Variants in B3GAT2 observed in about 807,000 individuals in gnomAD.
B3GAT2 encodes the protein galactosylgalactosylxylosylprotein 3-beta-glucuronosyltransferase 2.
In B3GAT2, 26 loss-of-function variants were observed where a neutral mutation model predicts 27.8. That is an observed-to-expected ratio of 0.93 (90% CI 0.68 to 1.30). B3GAT2 has a LOEUF of 1.30. B3GAT2 is among the 50% of genes most tolerant of loss of function. The pLI is 0.00. For synonymous variants in B3GAT2, 218 were observed against 195.1 expected (o/e 1.12, Z -0.98); for missense variants, 458 against 459.0 (o/e 1.00, Z 0.02).
At chr6:70,924,707 C>A (rs1772925094) in intron 1 of B3GAT2, among the ~76,000 whole-genome samples, 1 of 152,304 alleles carries the variant, frequency 6.6e-6, no homozygotes, top group Admixed American at 6.5e-5. Flanking sequence ...TGCCCTTAGT[C>A]ATTCCTGGGA....
intron 1 of B3GAT2, among the ~76,000 whole-genome samples, chr6:70,917,457 T>A (rs55754440): frequency 3.1e-4 from 47 of 152,316 alleles, no homozygotes; most frequent in Non-Finnish European, 5.6e-4. Context: ...CATTTGCTCT[T>A]GCTTCTGTAG....
At chr6:70,921,170 C>G (rs1772862927) in intron 1 of B3GAT2, among the ~76,000 whole-genome samples, 1 of 152,102 alleles carries the variant, frequency 6.6e-6, no homozygotes, top group Admixed American at 6.6e-5. Context: ...ATTTTGGCCT[C>G]TCTAGCAAGG....
intron 1 of B3GAT2, among the ~76,000 whole-genome samples, chr6:70,930,309 A>T (rs890323284): frequency 3.3e-5 from 5 of 152,210 alleles, no homozygotes; most frequent in African/African-American, 7.2e-5. Flanking sequence ...AAAACACCAA[A>T]AGCAATGGCA....
intron 1 of B3GAT2, among the ~76,000 whole-genome samples, chr6:70,904,593 C>T (rs538351932): frequency 2.3e-4 from 35 of 152,202 alleles, no homozygotes; most frequent in African/African-American, 6.7e-4. Context: ...GGGCCAAAAA[C>T]GCCAAGAAGT....
In B3GAT2 at chr6:70,859,431, T is replaced by C. The variant is rs1387129459; in HGVS notation, c.*2232A>G. On this transcript the variant is annotated 3_prime_UTR_variant, in exon 4 of 4. Transcript: ENST00000230053. ...TCCTTTAGTAGGTATGAAGACGTGA[T>C]CTGCTTCTTCAGACACTTATGCCTG... 3 of 1,495,250 alleles carry C rather than the reference T, an allele frequency of 2.0e-6. No homozygotes were observed. The highest frequency in any genetic ancestry group is 2.7e-6 in the Non-Finnish European group (3 of 1,100,810). 92.6% of individuals were successfully genotyped at this position (1,495,250 alleles called of 1,614,324 possible).
chr6:70,916,859 CT>C (rs1205390354), intron 1 of B3GAT2, among the ~76,000 whole-genome samples: 6 of 151,860 alleles, frequency 4.0e-5, no homozygotes, highest in Non-Finnish European at 7.4e-5. Flanking sequence ...CTAAAATTAT[CT>C]TTTTTTGTTG....
chr6:70,860,457 T>A lies in B3GAT2; in HGVS notation c.*1206A>T, dbSNP rs77239990. ...TTTACCCATTTGTTCATATTAAGAATGATCTGATTGACCGTGTTGGTCTGT... is the reference window on the plus strand; with the variant it reads ...TTTACCCATTTGTTCATATTAAGAAAGATCTGATTGACCGTGTTGGTCTGT... On this transcript the variant is annotated 3_prime_UTR_variant, in exon 4 of 4. Coordinates refer to ENST00000230053, the MANE Select transcript of B3GAT2 (RefSeq NM_080742.3). 8.1e-4 allele frequency: 941 copies of A among 1,165,420 alleles called. 10 individuals are homozygous for A. The African/African-American group carries it at 0.013, about 16-fold the overall frequency. 72.2% of individuals were successfully genotyped at this position (1,165,420 alleles called of 1,614,324 possible). A position where few individuals can be genotyped will look rare whatever the true frequency, so the allele number is the denominator to read the frequency against.
intron 1 of B3GAT2, among the ~76,000 whole-genome samples, chr6:70,911,608 G>A (rs1772690380): frequency 6.6e-6 from 1 of 152,074 alleles, no homozygotes; most frequent in South Asian, 2.1e-4. Flanking sequence ...TTTTTGCTCA[G>A]GATTGATTTG....
chr6:70,879,554 G>A (rs1772066837), intron 2 of B3GAT2, among the ~76,000 whole-genome samples: 1 of 152,166 alleles, frequency 6.6e-6, no homozygotes, highest in Non-Finnish European at 1.5e-5. Context: ...CTGGGGAGAA[G>A]GTGGTAAGCA....
intron 1 of B3GAT2, among the ~76,000 whole-genome samples, chr6:70,929,211 G>T (rs897234100): frequency 6.6e-6 from 1 of 152,008 alleles, no homozygotes; most frequent in Admixed American, 6.6e-5. Flanking sequence ...GGTAGGGAGA[G>T]GGGGGAGGGA....
chr6:70,908,043 C>G (rs543655397), intron 1 of B3GAT2, among the ~76,000 whole-genome samples: 1 of 152,294 alleles, frequency 6.6e-6, no homozygotes, highest in Non-Finnish European at 1.5e-5. Context: ...CATATTAATG[C>G]CCAAACCTTG....
intron 1 of B3GAT2, among the ~76,000 whole-genome samples, chr6:70,933,041 C>T (rs1216053395): frequency 6.6e-6 from 1 of 152,162 alleles, no homozygotes; most frequent in African/African-American, 2.4e-5. Flanking sequence ...CTAAGCCATC[C>T]TCCTGCCTGA....
chr6:70,896,903 T>A (rs1401302531), intron 1 of B3GAT2, among the ~76,000 whole-genome samples: 12 of 152,226 alleles, frequency 7.9e-5, no homozygotes, highest in African/African-American at 2.9e-4. Context: ...AATTTCTTTC[T>A]CTTTTTTTTA....
rs930026269 is a variant in B3GAT2 at position 70,856,777 on chromosome 6, T to TAAC, written c.*4883_*4885dup. The TAAC allele has an allele frequency of 3.6e-6, 5 of 1,375,566 alleles. No homozygotes were observed. In the African/African-American group the frequency reaches 7.3e-5, roughly 20 times the overall value. 85.2% of individuals were successfully genotyped at this position (1,375,566 alleles called of 1,614,324 possible). On this transcript the variant is annotated 3_prime_UTR_variant, in exon 4 of 4. Coordinates refer to ENST00000230053, the MANE Select transcript of B3GAT2 (RefSeq NM_080742.3). ...ATTGTTTGATTCCTATCTAATTTTA[T>TAAC]AACTTTATTTGGATTTTAAGTAATG...
At chr6:70,889,454 G>C (rs1772248730) in intron 2 of B3GAT2, among the ~76,000 whole-genome samples, 1 of 152,086 alleles carries the variant, frequency 6.6e-6, no homozygotes, top group Non-Finnish European at 1.5e-5. Context: ...CAAAAGTCAG[G>C]GCTTTTAAGC....
intron 1 of B3GAT2, among the ~76,000 whole-genome samples, chr6:70,954,400 G>A (rs1011273410): frequency 1.4e-4 from 21 of 152,044 alleles, no homozygotes; most frequent in African/African-American, 4.6e-4. Context: ...AAAAGATGAA[G>A]GACAATTACT....
intron 2 of B3GAT2, 22 bp downstream of exon 2, chr6:70,894,106 T>C (rs1311852404): frequency 6.3e-7 from 1 of 1,588,806 alleles, no homozygotes; most frequent in Admixed American, 1.8e-5. Flanking sequence ...CAGGAACAAA[T>C]GTCATCACCC....
chr6:70,908,319 C>T (rs1036469581), intron 1 of B3GAT2, among the ~76,000 whole-genome samples: 1 of 152,176 alleles, frequency 6.6e-6, no homozygotes, highest in Non-Finnish European at 1.5e-5. Flanking sequence ...AAAGTGGAAG[C>T]TTTCCATCTT....
intron 1 of B3GAT2, among the ~76,000 whole-genome samples, chr6:70,918,822 T>C (rs1582379914): frequency 6.6e-6 from 1 of 152,198 alleles, no homozygotes; most frequent in Non-Finnish European, 1.5e-5. Context: ...CTGGCTGCCC[T>C]TAACATTTTT....
Sources: gnomAD v4.1 joint callset for allele counts (sites outside exome capture counted in the v4.1 genomes callset) on GRCh38, gnomAD v4.1.1 for gene constraint, MANE v1.5 for transcripts, NCBI Gene and HGNC (gene_info 2026-07-23, HGNC 2026-07-21) for gene names.